PPP5C: variants seen among roughly 807,000 people sequenced by gnomAD.
PPP5C encodes protein phosphatase 5 catalytic subunit.
In PPP5C, 21 loss-of-function variants were observed where a neutral mutation model predicts 66.7. That is an observed-to-expected ratio of 0.31 (90% CI 0.22 to 0.45). The LOEUF is 0.45. PPP5C is among the 20% of genes least tolerant of loss of function. The pLI is 1.00. For missense variants in PPP5C, 464 were observed against 675.9 expected, an observed-to-expected ratio of 0.69 and a Z score of 3.48; for synonymous variants, 246 against 257.4, an observed-to-expected ratio of 0.96 and a Z score of 0.43.
chr19:46,369,464 C>T (rs1972545944), intron 2 of PPP5C, among the ~76,000 whole-genome samples: 1 of 151,792 alleles, frequency 6.6e-6, no homozygotes, highest in South Asian at 2.1e-4. Context: ...AACACCGTCT[C>T]TACTAAATAT....
chr19:46,379,910 C>T (rs1036097258), intron 4 of PPP5C, among the ~76,000 whole-genome samples: 4 of 152,146 alleles, frequency 2.6e-5, no homozygotes, highest in Admixed American at 2.0e-4. Context: ...AATCATTTCC[C>T]GGAACCCTGG....
chr19:46,386,947 T>C, intron 7 of PPP5C, 146 bp from the exon 8 acceptor site: 1 of 1,119,506 alleles, frequency 8.9e-7, no homozygotes, highest in Non-Finnish European at 1.3e-6. Context: ...CCTTGGTACC[T>C]CCAGTCTGGA....
intron 2 of PPP5C, among the ~76,000 whole-genome samples, chr19:46,360,811 G>A (rs1181094559): frequency 9.2e-5 from 14 of 151,976 alleles, no homozygotes; most frequent in Non-Finnish European, 1.5e-5. Flanking sequence ...ATTTGGTTTT[G>A]TAAACCCTAC....
At position 46,383,267 on chromosome 19, in the gene PPP5C, C is replaced by A; in HGVS notation, c.634-144C>A. On this transcript the variant is annotated intron_variant, in intron 4 of 12. Transcript: ENST00000012443. The surrounding 1 kb of genome is among the most constrained non-coding windows in gnomAD (Gnocchi z 5.0). ...CCGGCCCCGCCTGCTCCCGCTCCCC[C>A]AGGCCTGCCCTGCCCTTTTTCTTCT... The A allele has an allele frequency of 6.5e-7, 1 of 1,546,862 alleles. No homozygotes were observed. Among genetic ancestry groups the A allele is most frequent in the Non-Finnish European group, 8.7e-7 (1 of 1,146,112 alleles).
At chr19:46,351,502 T>G (rs1376479146) in intron 1 of PPP5C, among the ~76,000 whole-genome samples, 1 of 152,144 alleles carries the variant, frequency 6.6e-6, no homozygotes, top group Non-Finnish European at 1.5e-5. Flanking sequence ...GAGGCAGAGC[T>G]CAGAAAGAGG....
chr19:46,387,725 C>T, intron 9 of PPP5C: 1 of 1,378,960 alleles, frequency 7.3e-7, no homozygotes, highest in Non-Finnish European at 9.5e-7. Flanking sequence ...AGCTGTGGAA[C>T]CCTGGAAGGA....
intron 1 of PPP5C, among the ~76,000 whole-genome samples, chr19:46,352,309 G>T (rs927841447): frequency 2.6e-5 from 4 of 152,206 alleles, no homozygotes; most frequent in Non-Finnish European, 5.9e-5. Flanking sequence ...TGGGGACTCT[G>T]TGCAGGGCTG....
chr19:46,390,752 C>T lies in PPP5C; in HGVS notation c.*406C>T. ...GGGGGGCCCCGCCTGCGCCTCCCCT[C>T]CTATAGCCCCATGGTGGGGCTAGGC... On this transcript the variant is annotated 3_prime_UTR_variant, in exon 13 of 13. Coordinates refer to ENST00000012443, the MANE Select transcript of PPP5C (RefSeq NM_006247.4). 8.8e-7 allele frequency: 1 copy of T among 1,139,926 alleles called. No homozygotes were observed. Among genetic ancestry groups the T allele is most frequent in the Non-Finnish European group, 1.1e-6 (1 of 917,446 alleles). The allele number at this position is 1,139,926 out of a possible 1,614,324, so 70.6% of individuals were successfully genotyped here. A position where few individuals can be genotyped will look rare whatever the true frequency, so the allele number is the denominator to read the frequency against.
intron 2 of PPP5C, among the ~76,000 whole-genome samples, chr19:46,367,117 T>G (rs931822123): frequency 6.6e-6 from 1 of 152,220 alleles, no homozygotes; most frequent in Non-Finnish European, 1.5e-5. Flanking sequence ...CATTCACTGT[T>G]AGCCCCAGTT....
intron 1 of PPP5C, among the ~76,000 whole-genome samples, chr19:46,350,331 G>C (rs1038116192): frequency 6.6e-6 from 1 of 152,212 alleles, no homozygotes; most frequent in East Asian, 1.9e-4. Flanking sequence ...TCTCAGCCAG[G>C]TGATGGGGTG....
At chr19:46,353,624 C>A in intron 1 of PPP5C, 124 bp from the exon 2 acceptor site, 1 of 1,407,722 alleles carries the variant, frequency 7.1e-7, no homozygotes, top group South Asian at 1.3e-5. Flanking sequence ...GAAGAGATGT[C>A]TCTGGGCTCA....
In PPP5C at chr19:46,353,597, G is replaced by T. The variant is rs921861113; in HGVS notation, c.122-151G>T. 1.5e-5 allele frequency: 18 copies of T among 1,198,446 alleles called. No homozygotes were observed. In the Admixed American group the frequency reaches 4.0e-4, roughly 27 times the overall value. 74.2% of individuals were successfully genotyped at this position (1,198,446 alleles called of 1,614,324 possible). ...GCCCTGAGCTAGGTTGGTTGGGACAGGCAGGAGGGGCAGGCTGAAGAGATG... is the reference window on the plus strand; with the variant it reads ...GCCCTGAGCTAGGTTGGTTGGGACATGCAGGAGGGGCAGGCTGAAGAGATG... On this transcript the variant is annotated intron_variant, in intron 1 of 12. Transcript: ENST00000012443.
chr19:46,370,942 A>C (rs1327595733), intron 2 of PPP5C, among the ~76,000 whole-genome samples: 1 of 152,014 alleles, frequency 6.6e-6, no homozygotes, highest in Non-Finnish European at 1.5e-5. Context: ...GGGTTTCACT[A>C]TGTTAGCCAG....
intron 2 of PPP5C, among the ~76,000 whole-genome samples, chr19:46,354,353 G>A (rs1294977090): frequency 1.3e-5 from 2 of 152,174 alleles, no homozygotes; most frequent in African/African-American, 4.8e-5. Flanking sequence ...TCACCTGATG[G>A]TTACTGTCAT....
intron 2 of PPP5C, among the ~76,000 whole-genome samples, chr19:46,363,895 AAG>A (rs1173962157): frequency 6.6e-6 from 1 of 152,200 alleles, no homozygotes; most frequent in Non-Finnish European, 1.5e-5. Flanking sequence ...CTCTATGTAA[AAG>A]AGAATAGAGC....
Position 46,354,025 on chromosome 19 carries a change from C to T in PPP5C, c.363+36C>T, listed in dbSNP as rs753767788. On this transcript the variant is annotated intron_variant, in intron 2 of 12. Transcript: ENST00000012443. The stretch of plus-strand genomic sequence containing the variant: ...GAGTGGGCCAGGCCTGGCACCTGAG[C>T]CAGGCAGATACTGAGGGCTGGGCTG... 6.9e-6 allele frequency: 11 copies of T among 1,604,974 alleles called. No individual in the cohort carries two copies. The Admixed American group carries it at 8.5e-5, about 12-fold the overall frequency.
intron 2 of PPP5C, among the ~76,000 whole-genome samples, chr19:46,360,990 TA>T (rs1209262294): frequency 6.6e-6 from 1 of 152,172 alleles, no homozygotes; most frequent in Non-Finnish European, 1.5e-5. Flanking sequence ...AAAGACCTAA[TA>T]AAGACAGCAT....
At chr19:46,361,128 A>ATTTTTTTTTTTTTTTTTTTTTTT (rs202038384) in intron 2 of PPP5C, among the ~76,000 whole-genome samples, 2 of 133,414 alleles carry the variant, frequency 1.5e-5, no homozygotes, top group Non-Finnish European at 3.2e-5. Flanking sequence ...AGTGAAAGAA[A>ATTTTTTTTTTTTTTTTTTTTTTT]ATTTTTTTTT....
intron 2 of PPP5C, among the ~76,000 whole-genome samples, chr19:46,369,127 G>A (rs1352061499): frequency 6.6e-6 from 1 of 152,192 alleles, no homozygotes; most frequent in African/African-American, 2.4e-5. Flanking sequence ...TGCTTAACAA[G>A]GGGTAGTTTT....
Sources: gnomAD v4.1 joint callset for allele counts (sites outside exome capture counted in the v4.1 genomes callset) on GRCh38, gnomAD v4.1.1 for gene constraint, Gnocchi (gnomAD v3.1) non-coding constraint, MANE v1.5 for transcripts, NCBI Gene and HGNC (gene_info 2026-07-23, HGNC 2026-07-21) for gene names.